The following CTSH variants were observed in gnomAD, a reference collection of about 807,000 sequenced individuals.
CTSH encodes pro-cathepsin H.
Under a neutral mutation model 56.3 loss-of-function variants are expected in CTSH, and 52 were observed. The ratio of observed to expected loss-of-function variants is 0.92; its 90% CI spans 0.74 to 1.16. The LOEUF is 1.16. CTSH is among the 50% of genes most tolerant of loss of function. The pLI is 0.00. For synonymous variants in CTSH, 174 were observed against 155.7 expected (o/e 1.12, Z -0.88); for missense variants, 406 against 424.5 (o/e 0.96, Z 0.38).
intron 2 of CTSH, chr15:78,937,766 A>C (rs1339226201): frequency 9.9e-6 from 13 of 1,313,856 alleles, no homozygotes; most frequent in Non-Finnish European, 1.3e-5. Context: ...TTTCAAAAGC[A>C]CATGCACTGG....
intron 5 of CTSH, among the ~76,000 whole-genome samples, chr15:78,934,160 G>T (rs2055123467): frequency 2.0e-5 from 3 of 152,218 alleles, no homozygotes. Context: ...CCAGCACTTG[G>T]CAGGCTCCAG....
At chr15:78,939,976 C>T (rs2055254800) in intron 1 of CTSH, among the ~76,000 whole-genome samples, 1 of 152,164 alleles carries the variant, frequency 6.6e-6, no homozygotes, top group South Asian at 2.1e-4. Flanking sequence ...CAGGCTTTGC[C>T]ATCTATATGG....
intron 8 of CTSH, 75 bp from the exon 9 acceptor site, chr15:78,927,856 A>G (rs2054947238): frequency 8.1e-7 from 1 of 1,239,136 alleles, no homozygotes; most frequent in Non-Finnish European, 1.2e-6. Context: ...GTTCAATAAC[A>G]TTTACTAAAC....
intron 1 of CTSH, chr15:78,944,661 T>C: frequency 1.4e-6 from 1 of 730,056 alleles, no homozygotes; most frequent in Non-Finnish European, 2.0e-6. Context: ...GGTGGGACCC[T>C]GGACACTCAG....
At position 78,945,018 on chromosome 15, in the gene CTSH, C is replaced by T. The variant is rs960609789; in HGVS notation, c.-37G>A. ...CGGCTTGGCTCTTGCGCTCAGGGTC[C>T]GCGGAGGTGGCGGCCCAGAGCGTCA... On this transcript the variant is annotated 5_prime_UTR_variant, in exon 1 of 12. Transcript: ENST00000220166. 6.7e-5 allele frequency: 100 copies of T among 1,491,694 alleles called. No individual in the cohort carries two copies. The highest frequency in any genetic ancestry group is 8.7e-5 in the Non-Finnish European group (98 of 1,120,338). The allele number at this position is 1,491,694 out of a possible 1,614,324, so 92.4% of individuals were successfully genotyped here. A position where few individuals can be genotyped will look rare whatever the true frequency, so the allele number is the denominator to read the frequency against.
At chr15:78,923,485 C>T (rs902854395) in intron 10 of CTSH, among the ~76,000 whole-genome samples, 2 of 152,194 alleles carry the variant, frequency 1.3e-5, no homozygotes, top group Admixed American at 6.5e-5. Flanking sequence ...GACAGGGTTT[C>T]ATCATGTTGG....
intron 10 of CTSH, among the ~76,000 whole-genome samples, chr15:78,924,443 G>GA (rs1312739126): frequency 2.0e-4 from 30 of 152,108 alleles, no homozygotes; most frequent in Admixed American, 1.7e-3. Context: ...GCCTCAGGGA[G>GA]GGAGAGGAGA....
At chr15:78,936,243 G>A (rs1408295035) in intron 3 of CTSH, among the ~76,000 whole-genome samples, 3 of 145,564 alleles carry the variant, frequency 2.1e-5, no homozygotes, top group African/African-American at 7.6e-5. Flanking sequence ...AGGCAGGGAC[G>A]CGATCTTGGC....
rs764638112 is a variant in CTSH at position 78,922,092 on chromosome 15, T to C, written c.*38A>G. The C allele has an allele frequency of 6.5e-7, 1 of 1,543,384 alleles. No individual in the cohort carries two copies. The highest frequency in any genetic ancestry group is 1.4e-5 in the African/African-American group (1 of 73,024). ...CACCCAGGCCCAGGCTGCCCGTTCC[T>C]CTCCTTCTCCGCCAGTCTGCGCTGC... On this transcript the variant is annotated 3_prime_UTR_variant, in exon 12 of 12. Coordinates refer to ENST00000220166, the MANE Select transcript of CTSH (RefSeq NM_004390.5).
intron 5 of CTSH, chr15:78,934,769 A>C (rs12591571): frequency 0.022 from 14,492 of 655,960 alleles, 659 homozygotes; most frequent in East Asian, 0.16. Context: ...TAGCCCAATA[A>C]AGAGGAACTT....
At chr15:78,942,024 G>A (rs1260139011) in intron 1 of CTSH, among the ~76,000 whole-genome samples, 3 of 152,068 alleles carry the variant, frequency 2.0e-5, no homozygotes, top group South Asian at 2.1e-4. Flanking sequence ...GTTGAGAAAA[G>A]GTTCAGCATT....
chr15:78,934,343 C>T (rs554266029), intron 5 of CTSH, among the ~76,000 whole-genome samples: 15 of 152,214 alleles, frequency 9.9e-5, no homozygotes, highest in Admixed American at 4.6e-4. Flanking sequence ...AAGAAGGCCA[C>T]GGCAGGTTCC....
intron 10 of CTSH, among the ~76,000 whole-genome samples, chr15:78,924,788 C>T (rs1050858056): frequency 1.3e-5 from 2 of 150,530 alleles, no homozygotes; most frequent in Non-Finnish European, 2.9e-5. Flanking sequence ...CTCCTAGGTT[C>T]AAGCCATTCT....
chr15:78,931,454 T>C lies in CTSH; in HGVS notation c.545A>G (p.Gln182Arg). Reference protein sequence around the residue: ...CAQDFNNHGCQGGLPSQAFEY... With the variant: ...CAQDFNNHGCRGGLPSQAFEY... Reference sequence around the variant, plus strand: ...CCCCTTCTGGTCAGAGACGTACCCTTGGCAGCCGTGATTATTGAAGTCCTG... The same window carrying C: ...CCCCTTCTGGTCAGAGACGTACCCTCGGCAGCCGTGATTATTGAAGTCCTG... Residue 182 changes from glutamine to arginine, a missense_variant, in exon 7 of 12, where the codon CAA becomes CGA. Physicochemically the swap from Gln to Arg is conservative, Grantham distance 43 (BLOSUM62 1). Transcript: ENST00000220166. The C allele has an allele frequency of 6.2e-7, 1 of 1,614,204 alleles. No individual in the cohort carries two copies. The highest frequency in any genetic ancestry group is 8.5e-7 in the Non-Finnish European group (1 of 1,180,032).
intron 7 of CTSH, among the ~76,000 whole-genome samples, chr15:78,930,484 G>A (rs182161429): frequency 2.4e-4 from 36 of 151,972 alleles, no homozygotes; most frequent in African/African-American, 8.4e-4. Context: ...CTGAGATCGC[G>A]CCACTGCACT....
chr15:78,942,508 T>G (rs919736896), intron 1 of CTSH, among the ~76,000 whole-genome samples: 2 of 152,216 alleles, frequency 1.3e-5, no homozygotes, highest in Admixed American at 6.5e-5. Flanking sequence ...CCCCCACGCC[T>G]GGCCTCACTC....
Position 78,945,000 on chromosome 15 carries a change from G to C in CTSH, c.-19C>G. On this transcript the variant is annotated 5_prime_UTR_variant, in exon 1 of 12. Transcript: ENST00000220166. The stretch of plus-strand genomic sequence containing the variant: ...CCCACATCGCAGCGCTGGCGGCTTG[G>C]CTCTTGCGCTCAGGGTCCGCGGAGG... The C allele has an allele frequency of 6.6e-7, 1 of 1,518,248 alleles. No individual in the cohort carries two copies. Among genetic ancestry groups the C allele is most frequent in the Non-Finnish European group, 8.8e-7 (1 of 1,134,032 alleles). The allele number at this position is 1,518,248 out of a possible 1,614,324, so 94.0% of individuals were successfully genotyped here. A position where few individuals can be genotyped will look rare whatever the true frequency, so the allele number is the denominator to read the frequency against.
intron 10 of CTSH, among the ~76,000 whole-genome samples, chr15:78,923,833 G>T (rs976701515): frequency 6.6e-6 from 1 of 152,178 alleles, no homozygotes; most frequent in East Asian, 1.9e-4. Flanking sequence ...TTACAAAAGT[G>T]AACTAGCCTC....
chr15:78,928,564 CAAAAAAAA>C (rs869261525), intron 8 of CTSH, among the ~76,000 whole-genome samples: 1 of 65,884 alleles, frequency 1.5e-5, no homozygotes, highest in African/African-American at 5.3e-5. Flanking sequence ...GACTCCGTCT[CAAAAAAAA>C]AAAAAAAAAA....
Sources: allele counts gnomAD v4.1 joint callset (sites outside exome capture counted in the v4.1 genomes callset), GRCh38; gene constraint gnomAD v4.1.1; transcripts MANE v1.5; gene names NCBI Gene and HGNC (gene_info 2026-07-23, HGNC 2026-07-21).